The following SNX24 variants were observed in gnomAD, a reference collection of about 807,000 sequenced individuals.
SNX24 encodes the protein sorting nexin 24.
Under a neutral mutation model 28.7 loss-of-function variants are expected in SNX24, and 22 were observed. That is an observed-to-expected ratio of 0.77 (90% CI 0.55 to 1.10). The LOEUF is 1.10. Ranked by LOEUF, SNX24 falls within the 50% of genes least tolerant of loss-of-function variation. SNX24 has a pLI of 0.00. For missense variants in SNX24, 221 were observed against 201.1 expected, an observed-to-expected ratio of 1.10 and a Z score of -0.60; for synonymous variants, 69 against 71.5, an observed-to-expected ratio of 0.96 and a Z score of 0.18.
intron 1 of SNX24, among the ~76,000 whole-genome samples, chr5:122,923,479 C>T (rs1188119384): frequency 6.6e-6 from 1 of 152,168 alleles, no homozygotes. Context: ...TGCTCTCTGA[C>T]ATCTGTTCAT....
intron 1 of SNX24, among the ~76,000 whole-genome samples, chr5:122,854,515 C>CAAAAAAAA (rs55693230): frequency 3.3e-5 from 4 of 121,426 alleles, no homozygotes; most frequent in African/African-American, 6.5e-5. Context: ...CTCAAAAAAA[C>CAAAAAAAA]AAAAAAAAAA....
At chr5:122,959,069 G>A (rs1760349601) in intron 3 of SNX24, among the ~76,000 whole-genome samples, 1 of 152,094 alleles carries the variant, frequency 6.6e-6, no homozygotes. Flanking sequence ...AAAAGGATTG[G>A]TGTCAGTTCC....
chr5:123,021,292 C>T (rs1174410735), intron 5 of SNX24, among the ~76,000 whole-genome samples: 1 of 152,160 alleles, frequency 6.6e-6, no homozygotes, highest in African/African-American at 2.4e-5. Context: ...GTTTACAGCT[C>T]TATCCCACCC....
At chr5:122,987,842 G>T (rs547267353) in intron 3 of SNX24, among the ~76,000 whole-genome samples, 87 of 152,232 alleles carry the variant, frequency 5.7e-4, no homozygotes, top group African/African-American at 2.0e-3. Context: ...GAATAAATGA[G>T]TTTGCATACC....
chr5:122,898,005 T>C (rs1757276075), intron 1 of SNX24, among the ~76,000 whole-genome samples: 1 of 152,236 alleles, frequency 6.6e-6, no homozygotes, highest in South Asian at 2.1e-4. Context: ...TGTAAAATGC[T>C]TTCTTCAGTT....
chr5:123,009,684 T>C (rs747271557), downstream of SNX24, among the ~76,000 whole-genome samples: 4 of 152,220 alleles, frequency 2.6e-5, no homozygotes, highest in Non-Finnish European at 5.9e-5. Flanking sequence ...TCAGGGTTAT[T>C]GAAGGAACTA....
intron 3 of SNX24, among the ~76,000 whole-genome samples, chr5:122,993,570 G>A (rs1244524973): frequency 6.6e-6 from 1 of 152,144 alleles, no homozygotes; most frequent in Admixed American, 6.5e-5. Context: ...AAAGTGCTGG[G>A]ATTATAGGCG....
At position 122,845,620 on chromosome 5, in the gene SNX24, TG is replaced by T; in HGVS notation, c.-12del. The T allele has an allele frequency of 7.2e-7, 1 of 1,388,678 alleles. No homozygotes were observed. Among genetic ancestry groups the T allele is most frequent in the Non-Finnish European group, 9.4e-7 (1 of 1,062,770 alleles). The allele number at this position is 1,388,678 out of a possible 1,614,324, so 86.0% of individuals were successfully genotyped here. On this transcript the variant is annotated 5_prime_UTR_variant, in exon 1 of 7. Transcript: ENST00000261369. ...TGCCCCCAACTCGCCCTCAGCCGGC[TG>T]GCCGGCGCGGCCATGGAGGTCTACA...
At chr5:122,993,211 T>G (rs1761926188) in intron 3 of SNX24, among the ~76,000 whole-genome samples, 1 of 152,004 alleles carries the variant, frequency 6.6e-6, no homozygotes, top group Admixed American at 6.6e-5. Flanking sequence ...AAAAGGGGGA[T>G]GCATGGTACA....
intron 1 of SNX24, among the ~76,000 whole-genome samples, chr5:122,867,142 C>G (rs1561524871): frequency 6.6e-6 from 1 of 152,162 alleles, no homozygotes; most frequent in African/African-American, 2.4e-5. Context: ...ACTTAGCTAG[C>G]ACTGTAACTG....
intron 5 of SNX24, among the ~76,000 whole-genome samples, chr5:123,027,108 C>T (rs1762870755): frequency 6.6e-6 from 1 of 151,978 alleles, no homozygotes; most frequent in African/African-American, 2.4e-5. Context: ...GCAGGAGAAT[C>T]GCTTGAACCT....
At chr5:123,017,978 T>C (rs1041807756) in intron 5 of SNX24, among the ~76,000 whole-genome samples, 16 of 152,072 alleles carry the variant, frequency 1.1e-4, no homozygotes, top group African/African-American at 3.9e-4. Flanking sequence ...TGTGAAATAC[T>C]CTGTCTGGGG....
intron 3 of SNX24, among the ~76,000 whole-genome samples, chr5:122,996,525 C>T (rs1017066874): frequency 3.3e-5 from 5 of 152,088 alleles, no homozygotes; most frequent in Non-Finnish European, 5.9e-5. Flanking sequence ...TCTGTTTGCT[C>T]GATGAACAAT....
At chr5:122,889,701 A>G (rs1756876574) in intron 1 of SNX24, among the ~76,000 whole-genome samples, 1 of 113,562 alleles carries the variant, frequency 8.8e-6, no homozygotes, top group African/African-American at 3.8e-5. Flanking sequence ...ATGTATGTGT[A>G]TATATATGTA....
chr5:122,983,166 A>G (rs1336471608), intron 3 of SNX24: 2 of 150,214 alleles, frequency 1.3e-5, no homozygotes, highest in African/African-American at 2.4e-5. Context: ...GAAGTAAATG[A>G]GACATATTCT....
At chr5:122,986,679 T>C (rs1036974793) in intron 3 of SNX24, among the ~76,000 whole-genome samples, 1 of 152,032 alleles carries the variant, frequency 6.6e-6, no homozygotes, top group East Asian at 1.9e-4. Context: ...ACAGCATCGG[T>C]TGAACACTCT....
chr5:122,972,994 C>T (rs566906901), intron 3 of SNX24, among the ~76,000 whole-genome samples: 5 of 152,160 alleles, frequency 3.3e-5, no homozygotes, highest in Non-Finnish European at 7.3e-5. Context: ...GTTCATGGGC[C>T]CATTGGGCAA....
In SNX24 at chr5:122,927,487, A is replaced by G. The variant is rs975217703; in HGVS notation, c.61-9247A>G. ...TTTTGGGGACACAATTCATTTATTA[A>G]TTGGGGAATGCCAGTATTTCCTTGA... On this transcript the variant is annotated intron_variant, in intron 1 of 6. Transcript: ENST00000261369. Among the ~76,000 whole-genome samples, 9 of 152,306 alleles carry G rather than the reference A, an allele frequency of 5.9e-5. No homozygotes were observed. The South Asian group carries it at 1.9e-3, about 32-fold the overall frequency.
intron 1 of SNX24, among the ~76,000 whole-genome samples, chr5:122,895,088 C>T (rs1757144092): frequency 6.7e-6 from 1 of 149,392 alleles, no homozygotes; most frequent in South Asian, 2.1e-4. Context: ...TAGTATTATT[C>T]AGCCAAAACA....
Sources: allele counts gnomAD v4.1 joint callset (sites outside exome capture counted in the v4.1 genomes callset), GRCh38; gene constraint gnomAD v4.1.1; transcripts MANE v1.5; gene names NCBI Gene and HGNC (gene_info 2026-07-23, HGNC 2026-07-21).